The following TMEM38B variants were observed in gnomAD, a reference collection of about 807,000 sequenced individuals.
The protein encoded by TMEM38B is transmembrane protein 38B.
A neutral mutation model predicts 28.7 loss-of-function variants in TMEM38B; 24 were observed. That is an observed-to-expected ratio of 0.84 (90% CI 0.61 to 1.18). The LOEUF (loss-of-function observed/expected upper bound fraction) is 1.18. Ranked by LOEUF, TMEM38B falls within the 50% of genes most tolerant of loss-of-function variation. The pLI is 0.00. For missense variants in TMEM38B, 380 were observed against 350.9 expected (o/e 1.08, Z -0.66); for synonymous variants, 131 against 127.7 (o/e 1.03, Z -0.17).
At chr9:105,722,766 C>G (rs1046180329) in intron 4 of TMEM38B, 145 bp downstream of exon 4, 5 of 583,388 alleles carry the variant, frequency 8.6e-6, no homozygotes, top group Admixed American at 3.6e-5. Context: ...AGAGAACTAG[C>G]AAATTTTGTT....
At position 105,773,998 on chromosome 9, in the gene TMEM38B, A is replaced by AT; in HGVS notation, c.795dup (p.Gly266TrpfsTer16). Reference sequence around the variant, plus strand: ...AAAAGTGAAGCAAAGTCACCTTCCAATGGCGTTGGGTCATTGGCCTCAAAG... The same window carrying AT: ...AAAAGTGAAGCAAAGTCACCTTCCAATTGGCGTTGGGTCATTGGCCTCAAAG... On this transcript the variant is annotated frameshift_variant, in exon 6 of 6. Coordinates refer to ENST00000374692, the MANE Select transcript of TMEM38B (RefSeq NM_018112.3). LOFTEE classifies it low-confidence loss of function (END_TRUNC). 1.2e-6 allele frequency: 2 copies of AT among 1,613,792 alleles called. No individual in the cohort carries two copies. Among genetic ancestry groups the AT allele is most frequent in the Non-Finnish European group, 1.7e-6 (2 of 1,179,810 alleles).
At chr9:105,731,551 G>A (rs900195069) in intron 4 of TMEM38B, among the ~76,000 whole-genome samples, 2 of 152,072 alleles carry the variant, frequency 1.3e-5, no homozygotes, top group Admixed American at 6.6e-5. Flanking sequence ...GTGAGAACAT[G>A]TAGTGTTTGG....
chr9:105,710,953 G>C (rs1440338826), intron 2 of TMEM38B, among the ~76,000 whole-genome samples: 1 of 152,058 alleles, frequency 6.6e-6, no homozygotes, highest in Non-Finnish European at 1.5e-5. Context: ...CGCAAAGCTG[G>C]GACCACGGTG....
chr9:105,729,988 G>C (rs1357311572), intron 4 of TMEM38B, among the ~76,000 whole-genome samples: 1 of 152,106 alleles, frequency 6.6e-6, no homozygotes, highest in African/African-American at 2.4e-5. Flanking sequence ...CTGAGACGAT[G>C]GGGTTTTCTA....
chr9:105,707,879 T>A (rs1171449950), intron 2 of TMEM38B, among the ~76,000 whole-genome samples: 1 of 152,230 alleles, frequency 6.6e-6, no homozygotes, highest in African/African-American at 2.4e-5. Context: ...CTATGTGTTT[T>A]AAAAAACTTT....
At chr9:105,723,685 C>CAGATTA (rs1836408821) in intron 4 of TMEM38B, among the ~76,000 whole-genome samples, 1 of 152,076 alleles carries the variant, frequency 6.6e-6, no homozygotes. Context: ...ATGTGAAGCA[C>CAGATTA]CACACCCAGC....
At chr9:105,712,716 C>A (rs747926450) in intron 2 of TMEM38B, among the ~76,000 whole-genome samples, 1 of 152,336 alleles carries the variant, frequency 6.6e-6, no homozygotes, top group East Asian at 1.9e-4. Flanking sequence ...TGGAATATTA[C>A]TATAAATGAT....
rs1835214945 is a variant in TMEM38B at position 105,694,706 on chromosome 9, T to G, written c.46T>G (p.Ser16Ala). 1 of 1,614,012 alleles carries G rather than the reference T, an allele frequency of 6.2e-7. No homozygotes were observed. The highest frequency in any genetic ancestry group is 8.5e-7 in the Non-Finnish European group (1 of 1,179,914). ...DELALAFSRT[S>A]MFPFFDIAHY... The stretch of plus-strand genomic sequence containing the variant: ...GTTGGCTCTGGCCTTCTCCCGCACG[T>G]CCATGTTTCCCTTTTTTGACATCGC... The change falls in exon 1 of 6, where the codon TCC becomes GCC. Residue 16 changes from serine to alanine, a missense_variant. Transcript: ENST00000374692.
At chr9:105,766,237 A>G (rs77387209) in intron 5 of TMEM38B, among the ~76,000 whole-genome samples, 3,314 of 152,340 alleles carry the variant, frequency 0.022, 117 homozygotes, top group African/African-American at 0.076. Flanking sequence ...CTAGCAATGT[A>G]TGAGAGTTCT....
At chr9:105,729,694 T>C (rs1836660000) in intron 4 of TMEM38B, among the ~76,000 whole-genome samples, 1 of 152,204 alleles carries the variant, frequency 6.6e-6, no homozygotes, top group Non-Finnish European at 1.5e-5. Flanking sequence ...TTCACAATAT[T>C]GATTCTTCCT....
intron 1 of TMEM38B, among the ~76,000 whole-genome samples, chr9:105,703,689 C>G (rs1835536228): frequency 6.6e-6 from 1 of 151,898 alleles, no homozygotes. Context: ...TCCTATTTCT[C>G]CACATCCTCT....
intron 4 of TMEM38B, among the ~76,000 whole-genome samples, chr9:105,738,160 T>C (rs1321466991): frequency 4.0e-5 from 6 of 151,748 alleles, no homozygotes; most frequent in Non-Finnish European, 8.8e-5. Context: ...TTCCTTGGGG[T>C]GAACACAGCC....
intron 5 of TMEM38B, among the ~76,000 whole-genome samples, chr9:105,764,460 C>A (rs1826283443): frequency 6.6e-6 from 1 of 152,186 alleles, no homozygotes; most frequent in Non-Finnish European, 1.5e-5. Flanking sequence ...AGAGCCAAAT[C>A]ATGAGTGAAC....
Position 105,748,106 on chromosome 9 carries a change from C to G in TMEM38B, c.576C>G (p.Ile192Met). Residue 192 changes from isoleucine (I) to methionine (M), a missense_variant, in exon 5 of 6, where the codon ATC (isoleucine) becomes ATG (methionine). Physicochemically the swap from Ile to Met is conservative, Grantham distance 10. Coordinates refer to ENST00000374692, the MANE Select transcript of TMEM38B (RefSeq NM_018112.3). Reference protein sequence around the residue: ...PAKVTLLGSVIFTFQHTQHLA... With the variant: ...PAKVTLLGSVMFTFQHTQHLA... Reference sequence around the variant, plus strand: ...AGGTAACCCTGCTGGGGTCAGTTATCTTCACATTCCAGCACACCCAGCATC... The same window carrying G: ...AGGTAACCCTGCTGGGGTCAGTTATGTTCACATTCCAGCACACCCAGCATC... 1 of 1,613,520 alleles carries G rather than the reference C, an allele frequency of 6.2e-7. No homozygotes were observed. Among genetic ancestry groups the G allele is most frequent in the Non-Finnish European group, 8.5e-7 (1 of 1,179,640 alleles).
chr9:105,696,099 A>G (rs1227010977), intron 1 of TMEM38B, among the ~76,000 whole-genome samples: 5 of 152,134 alleles, frequency 3.3e-5, no homozygotes, highest in Non-Finnish European at 4.4e-5. Flanking sequence ...TCATTTTTTC[A>G]GAAGTGTACA....
chr9:105,732,823 C>G (rs2133594161), intron 4 of TMEM38B, among the ~76,000 whole-genome samples: 1 of 152,140 alleles, frequency 6.6e-6, no homozygotes, highest in Middle Eastern at 3.4e-3. Context: ...AACTTTAAAA[C>G]AGTTTTTTTG....
At chr9:105,711,182 T>G (rs1361806139) in intron 2 of TMEM38B, among the ~76,000 whole-genome samples, 2 of 152,182 alleles carry the variant, frequency 1.3e-5, no homozygotes, top group African/African-American at 4.8e-5. Flanking sequence ...AGCTCAGGCG[T>G]GTAATCCCAG....
chr9:105,725,625 C>T (rs1017709213), intron 4 of TMEM38B, among the ~76,000 whole-genome samples: 22 of 152,054 alleles, frequency 1.4e-4, no homozygotes, highest in African/African-American at 5.1e-4. Flanking sequence ...GGCTACAAAC[C>T]TTTACAGCAT....
Position 105,758,703 on chromosome 9 carries a change from A to T in TMEM38B, c.660+10513A>T. 4.0e-6 allele frequency: 3 copies of T among 743,192 alleles called. No individual in the cohort carries two copies. In the South Asian group the frequency reaches 4.6e-5, roughly 11 times the overall value. The allele number at this position is 743,192 out of a possible 1,614,324, so 46.0% of individuals were successfully genotyped here. A position where few individuals can be genotyped will look rare whatever the true frequency, so the allele number is the denominator to read the frequency against. ...ACATCCAGAATTGAGAAAAAACAAC[A>T]TAGAGAACTTTTCCAAAGATAAAGA... On this transcript the variant is annotated intron_variant, in intron 5 of 5. Transcript: ENST00000374692.
Sources: gnomAD v4.1 joint callset for allele counts (sites outside exome capture counted in the v4.1 genomes callset) on GRCh38, gnomAD v4.1.1 for gene constraint, MANE v1.5 for transcripts, NCBI Gene and HGNC (gene_info 2026-07-23, HGNC 2026-07-21) for gene names.